The following RCSD1 variants were observed in gnomAD, a reference collection of about 807,000 sequenced individuals.
RCSD1 encodes the protein capZ-interacting protein.
Under a neutral mutation model 42.5 loss-of-function variants are expected in RCSD1, and 26 were observed. The observed-to-expected ratio is 0.61, with a 90% confidence interval of 0.45 to 0.85. The LOEUF is 0.85. Ranked by LOEUF, RCSD1 falls within the 40% of genes least tolerant of loss-of-function variation. The pLI is 0.00. For synonymous variants in RCSD1, 220 were observed against 212.2 expected, an observed-to-expected ratio of 1.04 and a Z score of -0.32; for missense variants, 571 against 528.3, an observed-to-expected ratio of 1.08 and a Z score of -0.79.
chr1:167,696,875 T>C (rs1021906368), intron 5 of RCSD1, among the ~76,000 whole-genome samples: 2 of 152,222 alleles, frequency 1.3e-5, no homozygotes, highest in African/African-American at 4.8e-5. Flanking sequence ...AGCATTTGCA[T>C]CTTCACAAAA....
At chr1:167,668,643 C>T (rs1335572361) in intron 1 of RCSD1, among the ~76,000 whole-genome samples, 1 of 151,670 alleles carries the variant, frequency 6.6e-6, no homozygotes, top group Admixed American at 6.6e-5. Flanking sequence ...TATGAAAGGA[C>T]TCTTTTGATT....
At position 167,697,108 on chromosome 1, in the gene RCSD1, A is replaced by G; in HGVS notation, c.484A>G (p.Arg162Gly). The change falls in exon 6 of 7, where the codon AGG becomes GGG. Residue 162 changes from arginine (R) to glycine (G), a missense_variant. Transcript: ENST00000367854. ...TAACACTTTCTTCTAGGTGCGGACGAGGGGCTCAATAAAAAGGCGCCCTCC... is the reference window on the plus strand; with the variant it reads ...TAACACTTTCTTCTAGGTGCGGACGGGGGGCTCAATAAAAAGGCGCCCTCC... ...HLPCYNKVRTRGSIKRRPPSR... is the reference protein window; with the variant it reads ...HLPCYNKVRTGGSIKRRPPSR... The G allele has an allele frequency of 6.2e-7, 1 of 1,612,622 alleles. No homozygotes were observed. Among genetic ancestry groups the G allele is most frequent in the Non-Finnish European group, 8.5e-7 (1 of 1,179,242 alleles).
intron 1 of RCSD1, among the ~76,000 whole-genome samples, 156 bp from the exon 2 acceptor site, chr1:167,683,744 G>A (rs887423536): frequency 1.3e-5 from 2 of 152,158 alleles, no homozygotes; most frequent in East Asian, 1.9e-4. Context: ...GTGATTGACC[G>A]AATTTTTTAA....
At chr1:167,634,326 A>G (rs1657776642) in intron 1 of RCSD1, among the ~76,000 whole-genome samples, 2 of 152,106 alleles carry the variant, frequency 1.3e-5, no homozygotes, top group African/African-American at 2.4e-5. Context: ...CCTAATGGGC[A>G]CCAAGAAAGG....
At position 167,694,263 on chromosome 1, in the gene RCSD1, C is replaced by T. The variant is rs1659445651; in HGVS notation, c.435C>T (p.Asp145=). 1 of 1,614,178 alleles carries T rather than the reference C, an allele frequency of 6.2e-7. No individual in the cohort carries two copies. Among genetic ancestry groups the T allele is most frequent in the Non-Finnish European group, 8.5e-7 (1 of 1,180,034 alleles). ...SEAEEVPVSF[D]QPPEGSHLPC... is the part of the protein sequence containing the mutation. ...CAGAGGAGGTGCCTGTCAGCTTCGA[C>T]CAGCCCCCTGAAGGCAGTCATCTGC... The change falls in exon 5 of 7, where the codon GAC becomes GAT. Residue 145 remains aspartate, a synonymous_variant. Transcript: ENST00000367854.
At chr1:167,640,237 G>A (rs12402030) in intron 1 of RCSD1, among the ~76,000 whole-genome samples, 62,741 of 151,806 alleles carry the variant, frequency 0.41, 13,220 homozygotes, top group East Asian at 0.68. Flanking sequence ...CTGGAGGCCG[G>A]ATGTCTAAAA....
chr1:167,636,377 C>A (rs1657850576), intron 1 of RCSD1, among the ~76,000 whole-genome samples: 1 of 152,158 alleles, frequency 6.6e-6, no homozygotes, highest in African/African-American at 2.4e-5. Context: ...CTGAGAAATT[C>A]TGGACATTGG....
chr1:167,691,743 C>A (rs890871849), intron 4 of RCSD1, among the ~76,000 whole-genome samples: 7 of 152,186 alleles, frequency 4.6e-5, no homozygotes, highest in Non-Finnish European at 8.8e-5. Flanking sequence ...ATGAGCCTAC[C>A]CTGTGGAGGG....
At chr1:167,667,636 G>A (rs1278904924) in intron 1 of RCSD1, among the ~76,000 whole-genome samples, 1 of 152,214 alleles carries the variant, frequency 6.6e-6, no homozygotes, top group Non-Finnish European at 1.5e-5. Context: ...GGCTCAGATT[G>A]TTAAGTAATG....
At chr1:167,633,641 T>A (rs1467945912) in intron 1 of RCSD1, 1 of 152,174 alleles carries the variant, frequency 6.6e-6, no homozygotes, top group African/African-American at 2.4e-5. Flanking sequence ...TTTTTCTAAT[T>A]CATGCAGAGG....
intron 1 of RCSD1, among the ~76,000 whole-genome samples, chr1:167,630,938 A>G (rs1196200567): frequency 1.3e-5 from 2 of 152,128 alleles, no homozygotes; most frequent in East Asian, 3.9e-4. Context: ...TAGAGAGTCC[A>G]GTTGTCTTCT....
chr1:167,655,533 C>T (rs74119902), intron 1 of RCSD1, among the ~76,000 whole-genome samples: 2,024 of 152,248 alleles, frequency 0.013, 48 homozygotes, highest in African/African-American at 0.047. Context: ...CTATGACCTG[C>T]GTGTGCCATC....
At chr1:167,698,178 G>C (rs765675896) in intron 6 of RCSD1, among the ~76,000 whole-genome samples, 11 of 152,336 alleles carry the variant, frequency 7.2e-5, no homozygotes, top group Non-Finnish European at 1.6e-4. Context: ...GAGTGCAGGA[G>C]CCTGGGCATG....
chr1:167,701,320 T>TTTCTTTCTTTC (rs1386453311), intron 6 of RCSD1, among the ~76,000 whole-genome samples: 2,170 of 98,008 alleles, frequency 0.022, 34 homozygotes, highest in Non-Finnish European at 0.027. Flanking sequence ...TTCTTTCTTT[T>TTTCTTTCTTTC]TTTTAGATGG....
At chr1:167,656,295 T>C (rs777563133) in intron 1 of RCSD1, among the ~76,000 whole-genome samples, 1 of 152,210 alleles carries the variant, frequency 6.6e-6, no homozygotes, top group South Asian at 2.1e-4. Context: ...GAGGTAATGA[T>C]ACCTTTGATA....
intron 3 of RCSD1, among the ~76,000 whole-genome samples, chr1:167,686,591 G>C (rs1659242537): frequency 6.6e-6 from 1 of 152,224 alleles, no homozygotes; most frequent in South Asian, 2.1e-4. Flanking sequence ...TCTCCCCACT[G>C]ACCAAGGGTC....
chr1:167,667,181 C>T (rs542887371), intron 1 of RCSD1, among the ~76,000 whole-genome samples: 3 of 150,670 alleles, frequency 2.0e-5, no homozygotes, highest in African/African-American at 7.5e-5. Flanking sequence ...GGGCGCCTAT[C>T]CCGTACTTTG....
chr1:167,704,358 G>A (rs1659709494), intron 6 of RCSD1, among the ~76,000 whole-genome samples: 2 of 152,042 alleles, frequency 1.3e-5, no homozygotes, highest in African/African-American at 4.8e-5. Flanking sequence ...CTGATCCCTG[G>A]GTTAAAATCC....
intron 1 of RCSD1, among the ~76,000 whole-genome samples, chr1:167,656,384 A>T (rs1412699432): frequency 1.3e-5 from 2 of 152,184 alleles, no homozygotes; most frequent in African/African-American, 4.8e-5. Context: ...ACCAAGAGAC[A>T]CCTCCTTGTC....
Sources: gnomAD v4.1 joint callset for allele counts (sites outside exome capture counted in the v4.1 genomes callset) on GRCh38, gnomAD v4.1.1 for gene constraint, MANE v1.5 for transcripts, NCBI Gene and HGNC (gene_info 2026-07-23, HGNC 2026-07-21) for gene names.